Variants in DNAH9 observed in about 807,000 individuals in gnomAD.
DNAH9 encodes the protein dynein axonemal heavy chain 9, also known as DNAH9 variant protein.
In DNAH9, 345 loss-of-function variants were observed where a neutral mutation model predicts 471.6. That is an observed-to-expected ratio of 0.73 (90% CI 0.67 to 0.80). The LOEUF is 0.80. Among genes scored for constraint, DNAH9 ranks in the 30% least tolerant of loss-of-function variants. DNAH9 has a pLI of 0.00. For missense variants in DNAH9, 5,407 were observed against 5,609.2 expected (o/e 0.96, Z 1.15); for synonymous variants, 2,093 against 2,123.6 (o/e 0.99, Z 0.40).
At chr17:11,640,217 A>G in intron 9 of DNAH9, 53 bp from the exon 10 acceptor site, 1 of 1,083,884 alleles carries the variant, frequency 9.2e-7, no homozygotes, top group Non-Finnish European at 1.4e-6. Flanking sequence ...TGCCGAGCGG[A>G]GAGGACTGAG....
At chr17:11,780,004 T>C (rs755263686) in intron 38 of DNAH9, among the ~76,000 whole-genome samples, 5 of 152,226 alleles carry the variant, frequency 3.3e-5, no homozygotes, top group African/African-American at 1.2e-4. Flanking sequence ...TTCTCAGAGC[T>C]TCCAGCTGTA....
chr17:11,875,337 CA>C (rs1972434402), intron 53 of DNAH9, among the ~76,000 whole-genome samples, 153 bp downstream of exon 53: 1 of 152,176 alleles, frequency 6.6e-6, no homozygotes, highest in Non-Finnish European at 1.5e-5. Context: ...GCAAACATCT[CA>C]ATGAAAGATG....
At chr17:11,726,931 G>T (rs371697859) in intron 27 of DNAH9, among the ~76,000 whole-genome samples, 1 of 151,194 alleles carries the variant, frequency 6.6e-6, no homozygotes, top group Non-Finnish European at 1.5e-5. Flanking sequence ...GCCTGTAATC[G>T]CAGCTACTCG....
At chr17:11,682,464 C>T (rs2074151296) in intron 19 of DNAH9, among the ~76,000 whole-genome samples, 1 of 150,846 alleles carries the variant, frequency 6.6e-6, no homozygotes, top group Admixed American at 6.7e-5. Flanking sequence ...GCCTGGCATA[C>T]CTATTTTTAT....
At chr17:11,707,829 C>T (rs1348717351) in intron 26 of DNAH9, among the ~76,000 whole-genome samples, 2 of 152,086 alleles carry the variant, frequency 1.3e-5, no homozygotes, top group African/African-American at 4.8e-5. Context: ...CCTGCACACA[C>T]ATGCTTTCCT....
At chr17:11,907,306 A>G (rs1467710222) in intron 61 of DNAH9, among the ~76,000 whole-genome samples, 1 of 152,156 alleles carries the variant, frequency 6.6e-6, no homozygotes, top group African/African-American at 2.4e-5. Context: ...CCCCATCTCT[A>G]CTAAAAATAC....
In DNAH9 at chr17:11,961,878, T is replaced by A. The variant is rs771791927; in HGVS notation, c.12855T>A (p.Thr4285=). ...ELELGLKGEL[T]MTSHMENLQN... Reference sequence around the variant, plus strand: ...TTCTTTATCTTCAGGGGGAGCTGACTATGACCAGCCACATGGAGAACTTAC... The same window carrying A: ...TTCTTTATCTTCAGGGGGAGCTGACAATGACCAGCCACATGGAGAACTTAC... Residue 4285 remains threonine (T), a synonymous_variant, in exon 68 of 69, where the codon ACT becomes ACA. Transcript: ENST00000262442. 1 of 1,608,158 alleles carries A rather than the reference T, an allele frequency of 6.2e-7. No individual in the cohort carries two copies. The highest frequency in any genetic ancestry group is 1.1e-5 in the South Asian group (1 of 90,566).
intron 19 of DNAH9, among the ~76,000 whole-genome samples, chr17:11,682,339 C>T (rs1422987220): frequency 6.6e-6 from 1 of 152,016 alleles, no homozygotes; most frequent in African/African-American, 2.4e-5. Context: ...CACCCTTGAA[C>T]TCCTTGGGTT....
chr17:11,622,500 C>T (rs1186929855), intron 6 of DNAH9, among the ~76,000 whole-genome samples: 1 of 152,086 alleles, frequency 6.6e-6, no homozygotes, highest in Non-Finnish European at 1.5e-5. Flanking sequence ...CAGCCCCAGC[C>T]CATGCCTGGC....
Position 11,937,263 on chromosome 17 carries a change from C to CGTAT in DNAH9, c.12490-89_12490-88insGTAT. ...TGTCCCCTGGAGGAGGGATACTAGCCCATGGACTCCCTGCAGAGGACAAGC... is the reference window on the plus strand; with the variant it reads ...TGTCCCCTGGAGGAGGGATACTAGCCGTATCATGGACTCCCTGCAGAGGACAAGC... On this transcript the variant is annotated intron_variant, in intron 65 of 68. Coordinates refer to ENST00000262442, the MANE Select transcript of DNAH9 (RefSeq NM_001372.4). This position sits in a 1 kb window ranked among gnomAD's most constrained non-coding sequence, Gnocchi z 4.1. 1 of 1,479,972 alleles carries CGTAT rather than the reference C, an allele frequency of 6.8e-7. No homozygotes were observed. The highest frequency in any genetic ancestry group is 9.1e-7 in the Non-Finnish European group (1 of 1,096,126). The allele number at this position is 1,479,972 out of a possible 1,614,324, so 91.7% of individuals were successfully genotyped here.
chr17:11,932,152 G>A lies in DNAH9; in HGVS notation c.12244G>A (p.Asp4082Asn), dbSNP rs1974536205. ...TCGCTCATACCCCTTTAACACTGGAGACCTCACTATCTCTGTGAATGTCCT... is the reference window on the plus strand; with the variant it reads ...TCGCTCATACCCCTTTAACACTGGAAACCTCACTATCTCTGTGAATGTCCT... ...WNRSYPFNTG[D>N]LTISVNVLYN... The change falls in exon 64 of 69, where the codon GAC becomes AAC. Residue 4082 changes from aspartate to asparagine, a missense_variant. Physicochemically the swap from Asp to Asn is conservative, Grantham distance 23. Around this residue, in one of 3 missense-constraint regions of DNAH9, gnomAD observed 4,636 missense variants for 4,900.3 expected, o/e 0.95. Transcript: ENST00000262442. The surrounding 1 kb of genome is among the most constrained non-coding windows in gnomAD (Gnocchi z 4.3). 1 of 1,614,132 alleles carries A rather than the reference G, an allele frequency of 6.2e-7. No individual in the cohort carries two copies. The highest frequency in any genetic ancestry group is 8.5e-7 in the Non-Finnish European group (1 of 1,180,038).
intron 38 of DNAH9, among the ~76,000 whole-genome samples, chr17:11,780,385 C>G (rs541361495): frequency 6.6e-6 from 1 of 152,310 alleles, no homozygotes; most frequent in South Asian, 2.1e-4. Context: ...CCATTGAGGC[C>G]TCTCTTACAG....
intron 67 of DNAH9, among the ~76,000 whole-genome samples, chr17:11,952,309 C>G: frequency 1.4e-5 from 1 of 71,086 alleles, no homozygotes; most frequent in Non-Finnish European, 2.6e-5. Flanking sequence ...CCAGCTAATT[C>G]TTTTTTTTTT....
At chr17:11,876,947 C>T (rs973641569) in intron 53 of DNAH9, among the ~76,000 whole-genome samples, 1 of 151,620 alleles carries the variant, frequency 6.6e-6, no homozygotes, top group Non-Finnish European at 1.5e-5. Flanking sequence ...AGGCTGGTCT[C>T]GCACTCCTGA....
At chr17:11,723,676 C>CA (rs982866044) in intron 27 of DNAH9, among the ~76,000 whole-genome samples, 3 of 149,390 alleles carry the variant, frequency 2.0e-5, no homozygotes, top group South Asian at 2.1e-4. Context: ...TTTTTTTTTT[C>CA]TTTTTTTTTG....
intron 56 of DNAH9, chr17:11,884,568 G>A (rs751457033): frequency 2.9e-5 from 13 of 456,052 alleles, no homozygotes; most frequent in Admixed American, 4.7e-5. Flanking sequence ...GAAAGACTTC[G>A]TTCTAGGTAG....
intron 59 of DNAH9, among the ~76,000 whole-genome samples, chr17:11,900,618 G>C (rs527783758): frequency 6.6e-6 from 1 of 152,008 alleles, no homozygotes; most frequent in South Asian, 2.1e-4. Flanking sequence ...AGGACTGCAG[G>C]CTCCTGAAAG....
intron 55 of DNAH9, among the ~76,000 whole-genome samples, chr17:11,881,695 T>G (rs1972727639): frequency 6.6e-6 from 1 of 151,978 alleles, no homozygotes; most frequent in South Asian, 2.1e-4. Flanking sequence ...GATCATGAGG[T>G]CGGTAGTTCG....
intron 6 of DNAH9, among the ~76,000 whole-genome samples, chr17:11,622,659 A>T (rs1384545057): frequency 1.3e-5 from 2 of 152,196 alleles, no homozygotes; most frequent in East Asian, 3.9e-4. Flanking sequence ...CTTTGCATAT[A>T]GACAGCTATT....
Sources: gnomAD v4.1 joint callset for allele counts (sites outside exome capture counted in the v4.1 genomes callset) on GRCh38, gnomAD v4.1.1 for gene constraint, gnomAD v4.1.1 regional missense constraint, Gnocchi (gnomAD v3.1) non-coding constraint, MANE v1.5 for transcripts, NCBI Gene and HGNC (gene_info 2026-07-23, HGNC 2026-07-21) for gene names.